The following IL17RB variants were observed in gnomAD, a reference collection of about 807,000 sequenced individuals.
The protein encoded by IL17RB is interleukin 17 receptor B.
IL17RB carries 36 observed loss-of-function variants against 43.9 expected under a neutral mutation model. The ratio of observed to expected loss-of-function variants is 0.82; its 90% CI spans 0.63 to 1.08. The LOEUF (loss-of-function observed/expected upper bound fraction) is 1.08, where lower values mean the gene tolerates loss of function less well. Among genes scored for constraint, IL17RB ranks in the 50% least tolerant of loss-of-function variants. IL17RB has a pLI of 0.00. For missense variants in IL17RB, 613 were observed against 613.6 expected (o/e 1.00, Z 0.01); for synonymous variants, 225 against 225.4 (o/e 1.00, Z 0.02).
intron 10 of IL17RB, chr3:53,861,476 T>C (rs1326833420): frequency 1.3e-5 from 2 of 152,204 alleles, no homozygotes; most frequent in African/African-American, 4.8e-5. Flanking sequence ...ATGAAAACCT[T>C]GCACATTTTG....
At chr3:53,862,236 AAC>A (rs1178993806) in intron 10 of IL17RB, among the ~76,000 whole-genome samples, 1 of 152,034 alleles carries the variant, frequency 6.6e-6, no homozygotes, top group Non-Finnish European at 1.5e-5. Context: ...CTTGCCCCCA[AAC>A]ACATCATAAT....
chr3:53,849,930 C>A, intron 3 of IL17RB, 135 bp downstream of exon 3: 1 of 745,564 alleles, frequency 1.3e-6, no homozygotes, highest in Non-Finnish European at 2.0e-6. Flanking sequence ...AAGCCACATA[C>A]TAGGGTGATC....
chr3:53,854,933 T>C (rs191401464), intron 5 of IL17RB, among the ~76,000 whole-genome samples: 2 of 152,226 alleles, frequency 1.3e-5, no homozygotes, highest in East Asian at 1.9e-4. Context: ...AGATGTTCTC[T>C]GTTTAGCAGT....
rs1250720065 is a variant in IL17RB at position 53,865,308 on chromosome 3, G to A, written c.1509G>A (p.Ter503=). Residue 503 remains the stop codon, a stop_retained_variant, in exon 11 of 11, where the codon TAG becomes TAA. Coordinates refer to ENST00000288167, the MANE Select transcript of IL17RB (RefSeq NM_018725.4). The stretch of plus-strand genomic sequence containing the variant: ...GCCACGATGGCTGCTGCTCCTTGTA[G>A]CCCACCCATGAGAAGCAAGAGACCT... ...QACHDGCCSL[*] 6.3e-7 allele frequency: 1 copy of A among 1,599,344 alleles called. No individual in the cohort carries two copies. Among genetic ancestry groups the A allele is most frequent in the Non-Finnish European group, 8.5e-7 (1 of 1,177,476 alleles).
At chr3:53,858,090 G>A (rs572468534) in intron 8 of IL17RB, 6 of 205,390 alleles carry the variant, frequency 2.9e-5, no homozygotes, top group East Asian at 1.1e-4. Context: ...TCTCTGGGCC[G>A]CAGCGGACCC....
rs1413675419 is a variant in IL17RB at position 53,864,743 on chromosome 3, C to G, written c.947-3C>G. 3.8e-6 allele frequency: 6 copies of G among 1,594,506 alleles called. No homozygotes were observed. Among genetic ancestry groups the G allele is most frequent in the Non-Finnish European group, 5.1e-6 (6 of 1,169,968 alleles). On this transcript the variant is annotated splice_region_variant and splice_polypyrimidine_tract_variant and intron_variant, in intron 10 of 10. Coordinates refer to ENST00000288167, the MANE Select transcript of IL17RB (RefSeq NM_018725.4). ...GATAACAAATGCTTTTCTCCTCTCA[C>G]AGAAAGGATCAAGAAGACTTCCTTT...
chr3:53,858,775 T>C lies in IL17RB; in HGVS notation c.804T>C (p.Val268=). Residue 268 remains valine (V), a synonymous_variant, in exon 9 of 11, where the codon GTT becomes GTC. Coordinates refer to ENST00000288167, the MANE Select transcript of IL17RB (RefSeq NM_018725.4). The stretch of plus-strand genomic sequence containing the variant: ...ACTGCATCCGACATAAAGGAACAGT[T>C]GTGCTCTGCCCACAAACAGGCGTCC... ...GSDCIRHKGT[V]VLCPQTGVPF... 6.2e-7 allele frequency: 1 copy of C among 1,614,222 alleles called. No individual in the cohort carries two copies. The highest frequency in any genetic ancestry group is 8.5e-7 in the Non-Finnish European group (1 of 1,180,030).
intron 3 of IL17RB, 131 bp from the exon 4 acceptor site, chr3:53,851,868 T>G (rs1054900369): frequency 1.9e-6 from 2 of 1,026,864 alleles, no homozygotes; most frequent in African/African-American, 3.2e-5. Flanking sequence ...GAGACAGTGG[T>G]GCCTACCTTT....
intron 3 of IL17RB, among the ~76,000 whole-genome samples, chr3:53,850,498 T>TAAAA (rs1699098385): frequency 2.1e-5 from 2 of 96,714 alleles, no homozygotes; most frequent in Non-Finnish European, 3.8e-5. Context: ...AAACTCCGTC[T>TAAAA]CAAAAAAAAA....
At chr3:53,863,920 T>C (rs957334451) in intron 10 of IL17RB, among the ~76,000 whole-genome samples, 2 of 151,086 alleles carry the variant, frequency 1.3e-5, no homozygotes, top group African/African-American at 4.9e-5. Context: ...CCTCCTGAGC[T>C]CAAGTGAACC....
intron 9 of IL17RB, chr3:53,859,488 A>C (rs949945948): frequency 6.6e-6 from 1 of 152,444 alleles, no homozygotes; most frequent in Non-Finnish European, 1.5e-5. Flanking sequence ...ATTCCTGGGC[A>C]CTCTGTGCCT....
rs1699727153 is a variant in IL17RB, at chr3:53,864,954, A to G, written c.1155A>G (p.Gln385=). Residue 385 remains glutamine, a synonymous_variant, in exon 11 of 11, where the codon CAA becomes CAG. Coordinates refer to ENST00000288167, the MANE Select transcript of IL17RB (RefSeq NM_018725.4). ...EMGPVQWLAT[Q]KKAADKVVFL... ...GTCCAGTGCAGTGGCTTGCCACTCA[A>G]AAGAAGGCAGCAGACAAAGTCGTCT... is the stretch of plus-strand genomic sequence containing the variant. 2.5e-6 allele frequency: 4 copies of G among 1,614,072 alleles called. No individual in the cohort carries two copies. Among genetic ancestry groups the G allele is most frequent in the Admixed American group, 3.3e-5 (2 of 60,004 alleles).
chr3:53,856,133 G>C (rs996426185), intron 6 of IL17RB, among the ~76,000 whole-genome samples: 2 of 152,196 alleles, frequency 1.3e-5, no homozygotes, highest in African/African-American at 4.8e-5. Context: ...GCAGGTGTGA[G>C]GAGGTCAGAG....
intron 10 of IL17RB, 72 bp downstream of exon 10, chr3:53,860,300 C>T: frequency 8.2e-7 from 1 of 1,224,950 alleles, no homozygotes; most frequent in East Asian, 2.3e-5. Flanking sequence ...AAAGAAGATT[C>T]CTCTGGAGGC....
chr3:53,865,346 A>G lies in IL17RB; in HGVS notation c.*38A>G, dbSNP rs369678154. 1 of 1,504,146 alleles carries G rather than the reference A, an allele frequency of 6.6e-7. No individual in the cohort carries two copies. Among genetic ancestry groups the G allele is most frequent in the Admixed American group, 1.9e-5 (1 of 51,610 alleles). The allele number at this position is 1,504,146 out of a possible 1,614,324, so 93.2% of individuals were successfully genotyped here. Reference sequence around the variant, plus strand: ...AAGCAAGAGACCTTAAAGGCTTCCTATCCCACCAATTACAGGGAAAAAACG... The same window carrying G: ...AAGCAAGAGACCTTAAAGGCTTCCTGTCCCACCAATTACAGGGAAAAAACG... On this transcript the variant is annotated 3_prime_UTR_variant, in exon 11 of 11. Transcript: ENST00000288167.
intron 10 of IL17RB, among the ~76,000 whole-genome samples, chr3:53,862,270 C>T (rs552286264): frequency 6.6e-6 from 1 of 152,194 alleles, no homozygotes; most frequent in African/African-American, 2.4e-5. Flanking sequence ...ATTGGGAGGC[C>T]ATAAGGACCT....
At position 53,864,816 on chromosome 3, in the gene IL17RB, A is replaced by G; in HGVS notation, c.1017A>G (p.Pro339=). 6.2e-7 allele frequency: 1 copy of G among 1,614,176 alleles called. No individual in the cohort carries two copies. The highest frequency in any genetic ancestry group is 1.3e-5 in the African/African-American group (1 of 75,062). The change falls in exon 11 of 11, where the codon CCA becomes CCG. Residue 339 remains proline (P), a synonymous_variant. Transcript: ENST00000288167. ...LPPIKVLVVY[P]SEICFHHTIC... ...CCATTAAGGTTCTTGTGGTTTACCC[A>G]TCTGAAATATGTTTCCATCACACAA...
chr3:53,863,331 T>C (rs1478244354), intron 10 of IL17RB, among the ~76,000 whole-genome samples: 1 of 152,138 alleles, frequency 6.6e-6, no homozygotes, highest in Non-Finnish European at 1.5e-5. Context: ...CTTTGCTAAC[T>C]TCAAAACATG....
intron 9 of IL17RB, 64 bp from the exon 10 acceptor site, chr3:53,860,065 GT>G (rs1464586895): frequency 9.1e-7 from 1 of 1,103,416 alleles, no homozygotes; most frequent in Non-Finnish European, 1.4e-6. Context: ...CCAAGTCTTA[GT>G]TTTTAAATTA....
Sources: allele counts gnomAD v4.1 joint callset (sites outside exome capture counted in the v4.1 genomes callset), GRCh38; gene constraint gnomAD v4.1.1; transcripts MANE v1.5; gene names NCBI Gene and HGNC (gene_info 2026-07-23, HGNC 2026-07-21).